Variants in BNC2 observed in about 807,000 individuals in gnomAD.
BNC2 encodes the protein basonuclin zinc finger protein 2.
Under a neutral mutation model 76.3 loss-of-function variants are expected in BNC2, and 20 were observed. The observed-to-expected ratio is 0.26, with a 90% CI of 0.18 to 0.38. BNC2 has a LOEUF of 0.38. Among genes scored for constraint, BNC2 ranks in the 10% least tolerant of loss-of-function variants. The pLI is 1.00. For missense variants in BNC2, 1,382 were observed against 1,399.8 expected (o/e 0.99, Z 0.20); for synonymous variants, 582 against 514.8 (o/e 1.13, Z -1.77).
Position 16,655,405 on chromosome 9 carries a change from C to T in BNC2, c.331-72320G>A, listed in dbSNP as rs1446722358. ...ATACACACCTGCAGGCCGCATCTGC[C>T]GACAGTATGAGACTCAGGTAACTAT... On this transcript the variant is annotated intron_variant, in intron 3 of 6. Coordinates refer to ENST00000380672, the MANE Select transcript of BNC2 (RefSeq NM_017637.6). 2.6e-5 allele frequency among the ~76,000 whole-genome samples: 4 copies of T among 152,032 alleles called. No homozygotes were observed. The East Asian group carries it at 7.7e-4, about 29-fold the overall frequency.
At chr9:16,465,021 T>G (rs1213712194) in intron 5 of BNC2, among the ~76,000 whole-genome samples, 1 of 152,178 alleles carries the variant, frequency 6.6e-6, no homozygotes, top group African/African-American at 2.4e-5. Flanking sequence ...CATTTCACTC[T>G]CTTGCCCAAA....
chr9:16,743,947 C>T (rs1824923922), intron 1 of BNC2, among the ~76,000 whole-genome samples: 1 of 111,818 alleles, frequency 8.9e-6, no homozygotes, highest in Non-Finnish European at 2.0e-5. Flanking sequence ...TTTATTCCTA[C>T]AGACTGCAGT....
intron 1 of BNC2, among the ~76,000 whole-genome samples, chr9:16,851,936 G>A (rs1010503941): frequency 6.6e-6 from 1 of 152,048 alleles, no homozygotes; most frequent in African/African-American, 2.4e-5. Context: ...ACCAGAGGAT[G>A]AATATTAAAT....
At chr9:16,543,381 A>G (rs1343321374) in intron 5 of BNC2, among the ~76,000 whole-genome samples, 1 of 152,202 alleles carries the variant, frequency 6.6e-6, no homozygotes, top group South Asian at 2.1e-4. Flanking sequence ...AGAAGGATGT[A>G]TGAGTGCTGC....
At chr9:16,838,008 A>C (rs973395481) in intron 1 of BNC2, among the ~76,000 whole-genome samples, 1 of 152,192 alleles carries the variant, frequency 6.6e-6, no homozygotes. Flanking sequence ...AAAAACGCCA[A>C]AAGGAAAAGG....
chr9:16,509,111 C>A (rs546354698), intron 5 of BNC2, among the ~76,000 whole-genome samples: 1 of 152,238 alleles, frequency 6.6e-6, no homozygotes, highest in South Asian at 2.1e-4. Flanking sequence ...CAACCGTAAG[C>A]CACCATGTTC....
intron 1 of BNC2, among the ~76,000 whole-genome samples, chr9:16,822,029 C>G (rs1280414663): frequency 3.3e-5 from 5 of 149,432 alleles, no homozygotes; most frequent in African/African-American, 9.9e-5. Flanking sequence ...GAAAGCGGAG[C>G]CTGCAGTGAG....
intron 1 of BNC2, among the ~76,000 whole-genome samples, chr9:16,815,814 G>A (rs1818168960): frequency 6.6e-6 from 1 of 152,170 alleles, no homozygotes; most frequent in South Asian, 2.1e-4. Flanking sequence ...AAACTGGTAA[G>A]GGGCATTATC....
chr9:16,741,496 C>T (rs895170929), intron 1 of BNC2, among the ~76,000 whole-genome samples: 23 of 151,542 alleles, frequency 1.5e-4, no homozygotes, highest in African/African-American at 4.9e-4. Context: ...AAATGAGTAA[C>T]AGAAATGGCA....
At chr9:16,500,231 C>A (rs1822489698) in intron 5 of BNC2, among the ~76,000 whole-genome samples, 1 of 152,128 alleles carries the variant, frequency 6.6e-6, no homozygotes, top group South Asian at 2.1e-4. Context: ...CCAAACTCAA[C>A]TCAAGTCTGA....
chr9:16,561,840 C>CA (rs995971972), intron 4 of BNC2, among the ~76,000 whole-genome samples: 1 of 151,826 alleles, frequency 6.6e-6, no homozygotes, highest in Non-Finnish European at 1.5e-5. Context: ...CCCATCTCTA[C>CA]AAAAAATACA....
intron 3 of BNC2, among the ~76,000 whole-genome samples, chr9:16,679,997 A>AG (rs1418483041): frequency 1.3e-5 from 2 of 152,158 alleles, no homozygotes; most frequent in Admixed American, 6.5e-5. Context: ...TGTTTCGCAT[A>AG]GGGGGAGTGT....
In BNC2 at chr9:16,583,102, GA is replaced by G; in HGVS notation, c.331-18del. 12 of 1,597,702 alleles carry G rather than the reference GA, an allele frequency of 7.5e-6. No homozygotes were observed. The highest frequency in any genetic ancestry group is 4.5e-5 in the East Asian group (2 of 44,790). On this transcript the variant is annotated intron_variant, in intron 3 of 6. Transcript: ENST00000380672. ...ACGGATGGCCTGAAAAATAAAGGAG[GA>G]AAAAAAGGTCAGCATCTGTTCAAAG...
intron 4 of BNC2, among the ~76,000 whole-genome samples, chr9:16,559,784 T>C (rs957301074): frequency 6.6e-6 from 1 of 152,250 alleles, no homozygotes; most frequent in Non-Finnish European, 1.5e-5. Flanking sequence ...TCCTCCTTCA[T>C]TCATGCATAC....
At chr9:16,528,494 G>C (rs551113101) in intron 5 of BNC2, among the ~76,000 whole-genome samples, 6 of 152,200 alleles carry the variant, frequency 3.9e-5, no homozygotes, top group Non-Finnish European at 7.4e-5. Flanking sequence ...ATATGAGATG[G>C]TTTCTATAGT....
rs1361140725 is a variant in BNC2 at position 16,417,074 on chromosome 9, TTTAAA to T, written c.*1910_*1914del. 6.6e-6 allele frequency: 1 copy of T among 152,536 alleles called. No individual in the cohort carries two copies. Among genetic ancestry groups the T allele is most frequent in the African/African-American group, 2.4e-5 (1 of 41,444 alleles). 9.4% of individuals were successfully genotyped at this position (152,536 alleles called of 1,614,324 possible). On this transcript the variant is annotated 3_prime_UTR_variant, in exon 7 of 7. Coordinates refer to ENST00000380672, the MANE Select transcript of BNC2 (RefSeq NM_017637.6). ...AAATGCAAAAAAGAAATACATTCTC[TTTAAA>T]TTATTGTGTACTGTTTGACAAAATA... is the stretch of plus-strand genomic sequence containing the variant.
intron 1 of BNC2, among the ~76,000 whole-genome samples, chr9:16,788,334 A>G (rs1826358087): frequency 1.3e-5 from 2 of 151,528 alleles, no homozygotes. Flanking sequence ...TGGGCAGATC[A>G]TGAAGTCAGG....
At chr9:16,490,631 A>C (rs922667664) in intron 5 of BNC2, among the ~76,000 whole-genome samples, 1 of 152,146 alleles carries the variant, frequency 6.6e-6, no homozygotes, top group African/African-American at 2.4e-5. Flanking sequence ...GACTGTGAGC[A>C]CCTAGAGGGA....
At chr9:16,702,391 G>A (rs572939534) in intron 3 of BNC2, among the ~76,000 whole-genome samples, 5 of 152,062 alleles carry the variant, frequency 3.3e-5, no homozygotes, top group Admixed American at 6.5e-5. Flanking sequence ...CAACAGAATC[G>A]GCCAACTTTA....
Sources: allele counts gnomAD v4.1 joint callset (sites outside exome capture counted in the v4.1 genomes callset), GRCh38; gene constraint gnomAD v4.1.1; transcripts MANE v1.5; gene names NCBI Gene and HGNC (gene_info 2026-07-23, HGNC 2026-07-21).